Variants in CFAP54 observed in about 807,000 individuals in gnomAD.
CFAP54 encodes cilia- and flagella-associated protein 54.
CFAP54 carries 290 observed loss-of-function variants against 370.4 expected under a neutral mutation model. The observed-to-expected ratio is 0.78, with a 90% confidence interval of 0.71 to 0.86. CFAP54 has a LOEUF of 0.86. Ranked by LOEUF, CFAP54 falls within the 40% of genes least tolerant of loss-of-function variation. CFAP54 has a pLI of 0.00. For synonymous variants in CFAP54, 1,206 were observed against 1,236.5 expected, an observed-to-expected ratio of 0.98 and a Z score of 0.52; for missense variants, 3,399 against 3,528.7, an observed-to-expected ratio of 0.96 and a Z score of 0.93.
At chr12:96,855,130 C>G (rs1035897336) in intron 66 of CFAP54, among the ~76,000 whole-genome samples, 1 of 152,172 alleles carries the variant, frequency 6.6e-6, no homozygotes, top group East Asian at 1.9e-4. Context: ...TCAGATCTCA[C>G]GAGAACTCAC....
At chr12:96,728,433 T>A (rs1957870398) in intron 50 of CFAP54, among the ~76,000 whole-genome samples, 1 of 152,216 alleles carries the variant, frequency 6.6e-6, no homozygotes, top group Non-Finnish European at 1.5e-5. Flanking sequence ...CATTTCATCT[T>A]CCATCACTGA....
At position 96,708,768 on chromosome 12, in the gene CFAP54, C is replaced by G; in HGVS notation, c.6689C>G (p.Thr2230Ser). 6.2e-7 allele frequency: 1 copy of G among 1,606,098 alleles called. No homozygotes were observed. Among genetic ancestry groups the G allele is most frequent in the Non-Finnish European group, 8.5e-7 (1 of 1,176,766 alleles). Reference sequence around the variant, plus strand: ...GAAAATAAATTTAAGACAGTAATTACCAACAAGAGCAAACCAAACCTACCA... The same window carrying G: ...GAAAATAAATTTAAGACAGTAATTAGCAACAAGAGCAAACCAAACCTACCA... ...VPENKFKTVI[T>S]NKSKPNLPNL... The change falls in exon 48 of 68, where the codon ACC becomes AGC. Residue 2230 changes from threonine (T) to serine (S), a missense_variant. By Grantham distance (58) the Thr-to-Ser change is moderately conservative. Around this residue, in one of 3 missense-constraint regions of CFAP54, gnomAD observed 2,796 missense variants for 2,869.7 expected, o/e 0.97. Coordinates refer to ENST00000524981, the MANE Select transcript of CFAP54 (RefSeq NM_001306084.2).
intron 32 of CFAP54, among the ~76,000 whole-genome samples, chr12:96,643,638 T>C (rs902472424): frequency 1.3e-5 from 2 of 152,168 alleles, no homozygotes; most frequent in Admixed American, 6.5e-5. Flanking sequence ...ACTTGAAATC[T>C]AAACTATTAG....
intron 33 of CFAP54, chr12:96,645,295 T>C (rs1956775672): frequency 2.5e-6 from 1 of 392,802 alleles, no homozygotes; most frequent in Non-Finnish European, 5.2e-6. Flanking sequence ...AGCATTCTTA[T>C]ACACCAATAA....
chr12:96,829,974 T>A (rs1297733373), intron 66 of CFAP54, among the ~76,000 whole-genome samples: 1 of 152,188 alleles, frequency 6.6e-6, no homozygotes, highest in African/African-American at 2.4e-5. Context: ...AATCATCCAA[T>A]ATTTGTCTTT....
intron 50 of CFAP54, among the ~76,000 whole-genome samples, chr12:96,724,577 C>T (rs1246533867): frequency 2.0e-5 from 3 of 151,722 alleles, no homozygotes; most frequent in African/African-American, 7.3e-5. Flanking sequence ...GGATATTAGC[C>T]CTTTGTCAGA....
At chr12:96,644,951 A>G (rs1447797103) in intron 33 of CFAP54, among the ~76,000 whole-genome samples, 4 of 152,340 alleles carry the variant, frequency 2.6e-5, no homozygotes, top group African/African-American at 4.8e-5. Flanking sequence ...TGTGCTGGAT[A>G]TAAGTGATAA....
intron 66 of CFAP54, among the ~76,000 whole-genome samples, chr12:96,846,317 A>G (rs1959343411): frequency 6.6e-6 from 1 of 152,076 alleles, no homozygotes; most frequent in South Asian, 2.1e-4. Flanking sequence ...CTGGCCCTGA[A>G]CTTGCATCAG....
rs1021855542 is a variant in CFAP54 at position 96,658,462 on chromosome 12, C to G, written c.5460+116C>G. On this transcript the variant is annotated intron_variant, in intron 38 of 67. Transcript: ENST00000524981. ...TATTATTTCTGCTTTAGTATTTCCA[C>G]TTACTGGCATTTATCATTCAAATCA... 3 of 1,238,882 alleles carry G rather than the reference C, an allele frequency of 2.4e-6. No individual in the cohort carries two copies. The African/African-American group carries it at 4.6e-5, about 19-fold the overall frequency. 76.7% of individuals were successfully genotyped at this position (1,238,882 alleles called of 1,614,324 possible).
intron 39 of CFAP54, among the ~76,000 whole-genome samples, chr12:96,677,047 G>C (rs1957217620): frequency 6.8e-6 from 1 of 147,762 alleles, no homozygotes; most frequent in Non-Finnish European, 1.5e-5. Flanking sequence ...CTGTCACCCA[G>C]GCTGGAGTGC....
At chr12:96,779,065 C>T (rs1434543140) in intron 60 of CFAP54, among the ~76,000 whole-genome samples, 11 of 149,892 alleles carry the variant, frequency 7.3e-5, no homozygotes, top group Admixed American at 6.0e-4. Flanking sequence ...TGAGATCGTG[C>T]CATCGCACTC....
intron 26 of CFAP54, among the ~76,000 whole-genome samples, chr12:96,605,988 C>T (rs919403468): frequency 1.3e-5 from 2 of 152,172 alleles, no homozygotes; most frequent in African/African-American, 4.8e-5. Context: ...GGTGTACCTA[C>T]CTGTAGGCAT....
At chr12:96,714,060 A>C (rs914844801) in intron 48 of CFAP54, among the ~76,000 whole-genome samples, 4 of 152,236 alleles carry the variant, frequency 2.6e-5, no homozygotes, top group Admixed American at 6.5e-5. Context: ...TGGTTTCTGT[A>C]TTGAGACTAG....
intron 45 of CFAP54, among the ~76,000 whole-genome samples, chr12:96,698,906 C>T (rs879356465): frequency 1.3e-5 from 2 of 152,106 alleles, no homozygotes; most frequent in Non-Finnish European, 2.9e-5. Context: ...GTGTGAGCAG[C>T]GGCTCAAGGG....
chr12:96,759,967 TAAAC>T (rs939824026), intron 58 of CFAP54, among the ~76,000 whole-genome samples: 2 of 152,238 alleles, frequency 1.3e-5, no homozygotes, highest in African/African-American at 4.8e-5. Flanking sequence ...CACTATTTCT[TAAAC>T]ATTCATTTAT....
intron 14 of CFAP54, 29 bp from the exon 15 acceptor site, chr12:96,547,873 A>C (rs1313636488): frequency 1.6e-6 from 2 of 1,221,172 alleles, no homozygotes. Context: ...TCCATCCTTC[A>C]TTCCCTTCCT....
chr12:96,698,346 A>G (rs1957457245), intron 45 of CFAP54, among the ~76,000 whole-genome samples: 1 of 152,248 alleles, frequency 6.6e-6, no homozygotes, highest in Non-Finnish European at 1.5e-5. Context: ...TGTATTTAAA[A>G]TTAACAGTGG....
chr12:96,803,183 G>T (rs967893545), intron 63 of CFAP54, among the ~76,000 whole-genome samples: 2 of 152,120 alleles, frequency 1.3e-5, no homozygotes, highest in Non-Finnish European at 2.9e-5. Context: ...AATCCTTTGG[G>T]TATATACCCA....
intron 25 of CFAP54, among the ~76,000 whole-genome samples, chr12:96,595,342 G>A (rs1956167124): frequency 1.3e-5 from 2 of 152,152 alleles, no homozygotes; most frequent in South Asian, 2.1e-4. Flanking sequence ...GAATCATACA[G>A]GGCATGTACA....
Sources: gnomAD v4.1 joint callset for allele counts (sites outside exome capture counted in the v4.1 genomes callset) on GRCh38, gnomAD v4.1.1 for gene constraint, gnomAD v4.1.1 regional missense constraint, MANE v1.5 for transcripts, NCBI Gene and HGNC (gene_info 2026-07-23, HGNC 2026-07-21) for gene names.